The following UBE3C variants were observed in gnomAD, a reference collection of about 807,000 sequenced individuals.
UBE3C encodes the protein ubiquitin protein ligase E3C.
Under a neutral mutation model 129.4 loss-of-function variants are expected in UBE3C, and 42 were observed. The observed-to-expected ratio is 0.32, with a 90% CI of 0.25 to 0.42. The LOEUF (loss-of-function observed/expected upper bound fraction) is 0.42, where lower values mean the gene tolerates loss of function less well. Ranked by LOEUF, UBE3C falls within the 10% of genes least tolerant of loss-of-function variation. The pLI, the probability that UBE3C is intolerant of heterozygous loss-of-function variation, is 1.00. For missense variants in UBE3C, 1,049 were observed against 1,319.1 expected (o/e 0.80, Z 3.17); for synonymous variants, 510 against 492.4 (o/e 1.04, Z -0.47).
intron 18 of UBE3C, 195 bp downstream of exon 18, chr7:157,231,522 A>C: frequency 2.8e-6 from 2 of 706,636 alleles, no homozygotes; most frequent in Non-Finnish European, 4.5e-6. Context: ...TCCCCTCCAA[A>C]CTCATGTTGA....
At chr7:157,192,752 G>A in intron 10 of UBE3C, 1 of 1,115,130 alleles carries the variant, frequency 9.0e-7, no homozygotes, top group Non-Finnish European at 1.3e-6. Context: ...GTGCTGGAGT[G>A]TTTATGGCAA....
At chr7:157,264,898 T>C (rs1453544399) in intron 22 of UBE3C, among the ~76,000 whole-genome samples, 1 of 152,216 alleles carries the variant, frequency 6.6e-6, no homozygotes, top group African/African-American at 2.4e-5. Context: ...TAATTTTAGC[T>C]GTATCTTGTG....
chr7:157,142,026 AT>A (rs1428070853), intron 1 of UBE3C, among the ~76,000 whole-genome samples: 3 of 152,220 alleles, frequency 2.0e-5, no homozygotes, highest in Non-Finnish European at 2.9e-5. Context: ...ATCTGAAGGT[AT>A]CCAGGTTTCC....
rs771459825 is a variant in UBE3C, at chr7:157,139,317, C to G, written c.45C>G (p.Ser15=). 3.2e-6 allele frequency: 5 copies of G among 1,583,666 alleles called. No individual in the cohort carries two copies. The highest frequency in any genetic ancestry group is 4.3e-6 in the Non-Finnish European group (5 of 1,172,554). Residue 15 remains serine (S), a synonymous_variant, in exon 1 of 23, where the codon TCC becomes TCG. Coordinates refer to ENST00000348165, the MANE Select transcript of UBE3C (RefSeq NM_014671.3). The part of the protein sequence containing the change: ...EGDFKTRPKV[S]LGGASRKEEK... ...ACTTCAAGACGCGGCCCAAGGTGTC[C>G]CTTGGCGGCGCGAGCAGGAAGGTGA...
chr7:157,211,191 A>AGAGAGAGAGAGAGAGAGAGAGAGAGC (rs1481725592), intron 13 of UBE3C, among the ~76,000 whole-genome samples: 12 of 151,586 alleles, frequency 7.9e-5, no homozygotes, highest in African/African-American at 2.9e-4. Context: ...AGAGAGAGAG[A>AGAGAGAGAGAGAGAGAGAGAGAGAGC]GAGCCATACT....
In UBE3C at chr7:157,264,516, TACACACAC is replaced by T. The variant is rs139639074; in HGVS notation, c.3082-3058_3082-3051del. 3.5e-4 allele frequency among the ~76,000 whole-genome samples: 42 copies of T among 120,290 alleles called. No individual in the cohort carries two copies. The East Asian group carries it at 9.2e-3, about 26-fold the overall frequency. 78.9% of individuals were successfully genotyped at this position (120,290 alleles called of 152,430 possible). ...GTGTGCGCCAACATGCTCGGCCTGT[TACACACAC>T]ACACACACACCTGGTATTACAGGTG... is the stretch of plus-strand genomic sequence containing the variant. On this transcript the variant is annotated intron_variant, in intron 22 of 22. Coordinates refer to ENST00000348165, the MANE Select transcript of UBE3C (RefSeq NM_014671.3).
rs1795832922 is a variant in UBE3C at position 157,224,807 on chromosome 7, C to G, written c.2101-600C>G. Reference sequence around the variant, plus strand: ...ACACACACACACTCTCTCTCTCTCTCTCTCTCCCACTCACTCACTCACTCA... The same window carrying G: ...ACACACACACACTCTCTCTCTCTCTGTCTCTCCCACTCACTCACTCACTCA... On this transcript the variant is annotated intron_variant, in intron 16 of 22. Coordinates refer to ENST00000348165, the MANE Select transcript of UBE3C (RefSeq NM_014671.3). 2.0e-5 allele frequency among the ~76,000 whole-genome samples: 3 copies of G among 151,930 alleles called. No homozygotes were observed. In the South Asian group the frequency reaches 6.2e-4, roughly 32 times the overall value.
intron 11 of UBE3C, among the ~76,000 whole-genome samples, chr7:157,205,055 C>CT (rs1809395513): frequency 6.6e-6 from 1 of 152,198 alleles, no homozygotes; most frequent in African/African-American, 2.4e-5. Flanking sequence ...GAATCAGTGT[C>CT]TTTTCCATTA....
At chr7:157,154,282 T>C (rs1361148061) in intron 1 of UBE3C, among the ~76,000 whole-genome samples, 3 of 152,042 alleles carry the variant, frequency 2.0e-5, no homozygotes, top group Non-Finnish European at 4.4e-5. Flanking sequence ...ATCACACCAC[T>C]GCACTCCAGC....
At chr7:157,196,345 A>G (rs530472015) in intron 10 of UBE3C, among the ~76,000 whole-genome samples, 3 of 152,362 alleles carry the variant, frequency 2.0e-5, no homozygotes, top group Admixed American at 1.3e-4. Context: ...TATGGTGGCA[A>G]TGGGAAACTA....
rs1198806041 is a variant in UBE3C, at chr7:157,268,634, C to T, written c.*879C>T. On this transcript the variant is annotated 3_prime_UTR_variant, in exon 23 of 23. Coordinates refer to ENST00000348165, the MANE Select transcript of UBE3C (RefSeq NM_014671.3). ...GCTAGCCGTGCCGGTCTCCCATCAT[C>T]CGCTCGCCCTCCTTTCCCCTGGGCT... The T allele has an allele frequency of 6.5e-6, 1 of 152,732 alleles. No homozygotes were observed. Among genetic ancestry groups the T allele is most frequent in the Non-Finnish European group, 1.5e-5 (1 of 68,092 alleles). 9.5% of individuals were successfully genotyped at this position (152,732 alleles called of 1,614,324 possible). A position where few individuals can be genotyped will look rare whatever the true frequency, so the allele number is the denominator to read the frequency against.
chr7:157,254,864 A>C (rs1796707675), intron 21 of UBE3C, among the ~76,000 whole-genome samples: 1 of 152,034 alleles, frequency 6.6e-6, no homozygotes. Context: ...ATGTGGCGAA[A>C]TCCCATCTCT....
chr7:157,176,301 G>A (rs1317995230), intron 5 of UBE3C, among the ~76,000 whole-genome samples: 3 of 152,164 alleles, frequency 2.0e-5, no homozygotes, highest in African/African-American at 7.2e-5. Flanking sequence ...TGAGATAAGA[G>A]TCTTGCTCTG....
chr7:157,204,755 CAT>C (rs1809386354), intron 11 of UBE3C, among the ~76,000 whole-genome samples: 1 of 152,220 alleles, frequency 6.6e-6, no homozygotes, highest in Non-Finnish European at 1.5e-5. Flanking sequence ...TACAACATAA[CAT>C]AGAGATGCTT....
intron 7 of UBE3C, 146 bp downstream of exon 7, chr7:157,181,817 C>T (rs1203425147): frequency 3.6e-6 from 4 of 1,124,024 alleles, no homozygotes; most frequent in African/African-American, 1.6e-5. Context: ...GGAAAGTGTA[C>T]TTTTTCTTTC....
At chr7:157,242,154 A>C (rs956916866) in intron 18 of UBE3C, among the ~76,000 whole-genome samples, 2 of 152,208 alleles carry the variant, frequency 1.3e-5, no homozygotes, top group African/African-American at 4.8e-5. Context: ...AGCTGTTACA[A>C]AGGAATCGTG....
rs534723338 is a variant in UBE3C, at chr7:157,141,036, A to G, written c.66+1698A>G. Among the ~76,000 whole-genome samples, 31 of 152,296 alleles carry G rather than the reference A, an allele frequency of 2.0e-4. 1 individual carries two copies. The South Asian group carries it at 5.8e-3, about 28-fold the overall frequency. On this transcript the variant is annotated intron_variant, in intron 1 of 22. Coordinates refer to ENST00000348165, the MANE Select transcript of UBE3C (RefSeq NM_014671.3). Reference sequence around the variant, plus strand: ...CCCATCTCACCAGGAGCATGCTACAATTGGCCCTAATTGCGGCAGAGGGGT... The same window carrying G: ...CCCATCTCACCAGGAGCATGCTACAGTTGGCCCTAATTGCGGCAGAGGGGT...
chr7:157,224,112 C>T (rs1022789203), intron 16 of UBE3C, among the ~76,000 whole-genome samples: 14 of 152,128 alleles, frequency 9.2e-5, no homozygotes, highest in Non-Finnish European at 1.8e-4. Flanking sequence ...GGGCGCAAGC[C>T]ACCATCTCAC....
Position 157,197,897 on chromosome 7 carries a change from A to G in UBE3C, c.1332-3824A>G, listed in dbSNP as rs1269051662. The G allele has an allele frequency of 5.0e-6, 8 of 1,599,746 alleles. No individual in the cohort carries two copies. The African/African-American group carries it at 8.0e-5, about 16-fold the overall frequency. ...ATTTATCCTCCTCTTCTGGAGAGGA[A>G]GGTGTACTGACTATTTCAGGTGTAA... On this transcript the variant is annotated intron_variant, in intron 10 of 22. Coordinates refer to ENST00000348165, the MANE Select transcript of UBE3C (RefSeq NM_014671.3).
Sources: allele counts gnomAD v4.1 joint callset (sites outside exome capture counted in the v4.1 genomes callset), GRCh38; gene constraint gnomAD v4.1.1; transcripts MANE v1.5; gene names NCBI Gene and HGNC (gene_info 2026-07-23, HGNC 2026-07-21).